DPH6: variants seen among roughly 807,000 people sequenced by gnomAD.
The protein encoded by DPH6 is diphthine--ammonia ligase.
DPH6 carries 33 observed loss-of-function variants against 38.2 expected under a neutral mutation model. That is an observed-to-expected ratio of 0.86 (90% CI 0.65 to 1.15). The LOEUF (loss-of-function observed/expected upper bound fraction) is 1.15. Ranked by LOEUF, DPH6 falls within the 50% of genes most tolerant of loss-of-function variation. The pLI is 0.00. For synonymous variants in DPH6, 108 were observed against 103.0 expected (o/e 1.05, Z -0.30); for missense variants, 325 against 320.0 (o/e 1.02, Z -0.12).
At chr15:35,428,040 T>A (rs1383876118) in intron 5 of DPH6, among the ~76,000 whole-genome samples, 1 of 151,954 alleles carries the variant, frequency 6.6e-6, no homozygotes, top group Non-Finnish European at 1.5e-5. Flanking sequence ...CAGGAGGCAA[T>A]GGCATAATAA....
intron 4 of DPH6, 81 bp from the exon 5 acceptor site, chr15:35,450,884 A>T (rs1318786277): frequency 1.8e-6 from 2 of 1,116,584 alleles, no homozygotes; most frequent in Non-Finnish European, 2.6e-6. Flanking sequence ...TTTGATTTGA[A>T]ACATAATGCT....
At chr15:35,384,498 A>G (rs527860263) in intron 6 of DPH6, among the ~76,000 whole-genome samples, 1 of 152,062 alleles carries the variant, frequency 6.6e-6, no homozygotes, top group Non-Finnish European at 1.5e-5. Flanking sequence ...CATGACAATC[A>G]AAAATGTCTG....
At chr15:35,398,323 C>G (rs989319557) in intron 6 of DPH6, among the ~76,000 whole-genome samples, 4 of 152,106 alleles carry the variant, frequency 2.6e-5, no homozygotes, top group African/African-American at 9.7e-5. Context: ...GGGAAACCAA[C>G]CTTGTGATTA....
intron 3 of DPH6, among the ~76,000 whole-genome samples, chr15:35,466,013 T>C (rs1263928959): frequency 3.3e-5 from 5 of 152,126 alleles, no homozygotes; most frequent in Non-Finnish European, 7.4e-5. Flanking sequence ...TTATTTTCCT[T>C]GAGTTTCTGA....
At chr15:35,424,170 TATTA>T (rs969619813) in intron 5 of DPH6, among the ~76,000 whole-genome samples, 2 of 151,638 alleles carry the variant, frequency 1.3e-5, no homozygotes, top group East Asian at 1.9e-4. Flanking sequence ...CATTTTAACA[TATTA>T]ATTATTTCAA....
intron 6 of DPH6, among the ~76,000 whole-genome samples, chr15:35,394,787 G>A (rs889683868): frequency 2.0e-5 from 3 of 152,176 alleles, no homozygotes; most frequent in Non-Finnish European, 4.4e-5. Flanking sequence ...TGAATGGAAT[G>A]CCAAAAGTGC....
intron 3 of DPH6, among the ~76,000 whole-genome samples, chr15:35,365,667 A>G (rs1213747888): frequency 6.6e-6 from 1 of 152,090 alleles, no homozygotes; most frequent in Non-Finnish European, 1.5e-5. Context: ...TTAGGCTTCA[A>G]AAACACTCTT....
At chr15:35,250,131 TCG>T (rs796283259) in intron 3 of DPH6, among the ~76,000 whole-genome samples, 6 of 151,712 alleles carry the variant, frequency 4.0e-5, no homozygotes, top group African/African-American at 1.5e-4. Flanking sequence ...TGAGCCGAGA[TCG>T]CGCCACTGCA....
At chr15:35,250,530 G>A (rs2140408874) in intron 3 of DPH6, among the ~76,000 whole-genome samples, 1 of 152,250 alleles carries the variant, frequency 6.6e-6, no homozygotes, top group Non-Finnish European at 1.5e-5. Context: ...AAGGAAACAT[G>A]CAAAAGGTTC....
intron 4 of DPH6, among the ~76,000 whole-genome samples, chr15:35,454,345 G>A (rs1348801916): frequency 6.6e-6 from 1 of 152,056 alleles, no homozygotes; most frequent in East Asian, 1.9e-4. Flanking sequence ...AACCAAAGAG[G>A]AGAGGACTCC....
chr15:35,357,635 T>C (rs2052576148), intron 3 of DPH6, among the ~76,000 whole-genome samples: 1 of 152,236 alleles, frequency 6.6e-6, no homozygotes, highest in Non-Finnish European at 1.5e-5. Flanking sequence ...TTCCTTCATA[T>C]ATGATGCTTA....
chr15:35,170,291 G>T, the DPH6 span, among the ~76,000 whole-genome samples: 1 of 152,166 alleles, frequency 6.6e-6, no homozygotes, highest in Admixed American at 6.5e-5. Context: ...TGTGTCTCTT[G>T]GTTCAGAACC....
intron 6 of DPH6, among the ~76,000 whole-genome samples, chr15:35,392,868 T>C (rs938606421): frequency 2.0e-5 from 3 of 152,174 alleles, no homozygotes; most frequent in Non-Finnish European, 4.4e-5. Flanking sequence ...GGAACGAGTA[T>C]TCTAGAAGAA....
intron 5 of DPH6, among the ~76,000 whole-genome samples, chr15:35,424,548 CT>C (rs1566904723): frequency 6.7e-6 from 1 of 150,060 alleles, no homozygotes. Flanking sequence ...TCTTTTATTT[CT>C]TTTTCTTGCT....
intron 3 of DPH6, among the ~76,000 whole-genome samples, chr15:35,235,065 G>A (rs1446875577): frequency 1.3e-5 from 2 of 152,176 alleles, no homozygotes; most frequent in African/African-American, 4.8e-5. Flanking sequence ...CTGGTATCTG[G>A]GAAACAACCT....
At chr15:35,324,523 C>CG (rs1555393130) in intron 3 of DPH6, among the ~76,000 whole-genome samples, 1 of 151,888 alleles carries the variant, frequency 6.6e-6, no homozygotes, top group Non-Finnish European at 1.5e-5. Context: ...TAGCAGTTCG[C>CG]TTACGACTTC....
intron 3 of DPH6, among the ~76,000 whole-genome samples, chr15:35,528,406 G>T (rs2055037114): frequency 6.6e-6 from 1 of 152,066 alleles, no homozygotes; most frequent in Non-Finnish European, 1.5e-5. Context: ...ATATCGCTCA[G>T]TAAAACTATA....
intron 3 of DPH6, among the ~76,000 whole-genome samples, chr15:35,458,437 T>A (rs2054023315): frequency 6.6e-6 from 1 of 151,720 alleles, no homozygotes; most frequent in East Asian, 1.9e-4. Flanking sequence ...GCTGATTCCT[T>A]AATCATTTTG....
chr15:35,386,326 A>C (rs1182315631), intron 6 of DPH6, among the ~76,000 whole-genome samples: 2 of 152,218 alleles, frequency 1.3e-5, no homozygotes, highest in Admixed American at 1.3e-4. Context: ...ATGTGTCTTT[A>C]TAGCAGCATG....
Sources: allele counts gnomAD v4.1 joint callset (sites outside exome capture counted in the v4.1 genomes callset), GRCh38; gene constraint gnomAD v4.1.1; transcripts MANE v1.5; gene names NCBI Gene and HGNC (gene_info 2026-07-23, HGNC 2026-07-21).